The following PPARGC1A variants were observed in gnomAD, a reference collection of about 807,000 sequenced individuals.
PPARGC1A encodes the protein peroxisome proliferator-activated receptor gamma coactivator 1-alpha.
In PPARGC1A, 25 loss-of-function variants were observed where a neutral mutation model predicts 88.7. The ratio of observed to expected loss-of-function variants is 0.28; its 90% CI spans 0.21 to 0.39. PPARGC1A has a LOEUF of 0.39. PPARGC1A is among the 10% of genes least tolerant of loss of function. PPARGC1A has a pLI of 1.00. For synonymous variants in PPARGC1A, 363 were observed against 355.6 expected (o/e 1.02, Z -0.24); for missense variants, 880 against 968.7 (o/e 0.91, Z 1.22).
At chr4:23,801,412 T>C (rs1363715953) in intron 12 of PPARGC1A, among the ~76,000 whole-genome samples, 1 of 151,354 alleles carries the variant, frequency 6.6e-6, no homozygotes, top group African/African-American at 2.4e-5. Context: ...TCACAAAATA[T>C]AAAGCTGCAT....
rs375459261 is a variant in PPARGC1A at position 23,812,907 on chromosome 4, T to C, written c.1899-40A>G. The C allele has an allele frequency of 2.7e-5, 44 of 1,613,654 alleles. No individual in the cohort carries two copies. In the African/African-American group the frequency reaches 5.6e-4, roughly 21 times the overall value. On this transcript the variant is annotated intron_variant, in intron 9 of 12. Transcript: ENST00000264867. ...TTTATCACTAAGTCAACCACCTCAA[T>C]TTTCATGAGCAAAATGAATAATAAT... is the stretch of plus-strand genomic sequence containing the variant.
the PPARGC1A span, among the ~76,000 whole-genome samples, chr4:24,168,666 C>T: frequency 6.7e-6 from 1 of 150,272 alleles, no homozygotes; most frequent in African/African-American, 2.5e-5. Flanking sequence ...CACACACACA[C>T]AATGATAAGA....
the PPARGC1A span, among the ~76,000 whole-genome samples, chr4:24,272,822 C>T: frequency 6.6e-6 from 1 of 152,186 alleles, no homozygotes; most frequent in Admixed American, 6.5e-5. Context: ...AGCAAAGACT[C>T]TTCATTAAAA....
At chr4:24,095,422 C>G in the PPARGC1A span, among the ~76,000 whole-genome samples, 1,308 of 152,116 alleles carry the variant, frequency 8.6e-3, 8 homozygotes, top group Non-Finnish European at 0.015. Context: ...CCACACCCGG[C>G]CAGAGATAGA....
chr4:24,120,640 A>AAGGTT, the PPARGC1A span, among the ~76,000 whole-genome samples: 1 of 152,144 alleles, frequency 6.6e-6, no homozygotes, highest in Non-Finnish European at 1.5e-5. Context: ...CCTAACCACC[A>AAGGTT]AGGTGATGGT....
chr4:24,376,314 G>T, the PPARGC1A span, among the ~76,000 whole-genome samples: 1 of 152,096 alleles, frequency 6.6e-6, no homozygotes, highest in Non-Finnish European at 1.5e-5. Flanking sequence ...ATGATACTTC[G>T]GCAATTCAGC....
the PPARGC1A span, among the ~76,000 whole-genome samples, chr4:23,932,688 A>T: frequency 6.6e-6 from 1 of 152,174 alleles, no homozygotes; most frequent in Admixed American, 6.5e-5. Flanking sequence ...TTTAGTAGAA[A>T]GACATCTTAT....
the PPARGC1A span, among the ~76,000 whole-genome samples, chr4:24,167,260 C>T: frequency 5.9e-5 from 9 of 152,150 alleles, no homozygotes; most frequent in Non-Finnish European, 1.3e-4. Flanking sequence ...GAAGTGGAAC[C>T]TGAAGATATG....
At chr4:24,124,908 C>A in the PPARGC1A span, among the ~76,000 whole-genome samples, 1 of 152,096 alleles carries the variant, frequency 6.6e-6, no homozygotes, top group African/African-American at 2.4e-5. Flanking sequence ...ATGGAAAACA[C>A]AAGAGAGCAC....
the PPARGC1A span, among the ~76,000 whole-genome samples, chr4:24,222,788 T>A: frequency 6.6e-6 from 1 of 152,208 alleles, no homozygotes; most frequent in Non-Finnish European, 1.5e-5. Context: ...AACTCTTGTC[T>A]TTGTCATTTA....
chr4:24,113,013 G>A, the PPARGC1A span, among the ~76,000 whole-genome samples: 1 of 152,206 alleles, frequency 6.6e-6, no homozygotes, highest in African/African-American at 2.4e-5. Flanking sequence ...ATGTTAGATA[G>A]ATATAAAATG....
chr4:24,375,437 C>A, the PPARGC1A span, among the ~76,000 whole-genome samples: 1 of 152,148 alleles, frequency 6.6e-6, no homozygotes, highest in African/African-American at 2.4e-5. Context: ...CAGTCAGCTT[C>A]TTTAAGAGTC....
intron 1 of PPARGC1A, 85 bp downstream of exon 1, chr4:23,889,819 C>T (rs1300494833): frequency 6.5e-7 from 1 of 1,533,280 alleles, no homozygotes. Context: ...CTCTCTTTGC[C>T]CAAGCCCATC....
chr4:24,038,913 C>T, the PPARGC1A span, among the ~76,000 whole-genome samples: 351 of 152,296 alleles, frequency 2.3e-3, no homozygotes, highest in African/African-American at 8.0e-3. Flanking sequence ...CCCCACAGAA[C>T]ACTGGCAGCT....
the PPARGC1A span, among the ~76,000 whole-genome samples, chr4:23,937,520 A>C: frequency 6.6e-6 from 1 of 152,000 alleles, no homozygotes; most frequent in East Asian, 1.9e-4. Flanking sequence ...AAGTAAAATA[A>C]AATAAAAAAT....
At chr4:24,272,149 A>T in the PPARGC1A span, among the ~76,000 whole-genome samples, 2 of 152,048 alleles carry the variant, frequency 1.3e-5, no homozygotes, top group Non-Finnish European at 2.9e-5. Flanking sequence ...GGATGATGCT[A>T]TGTTCTTCCT....
intron 2 of PPARGC1A, among the ~76,000 whole-genome samples, chr4:23,882,405 A>C (rs752581353): frequency 2.0e-5 from 3 of 152,158 alleles, no homozygotes; most frequent in Non-Finnish European, 4.4e-5. Flanking sequence ...GGGTTTTTCA[A>C]CCTCAGTGCT....
chr4:24,141,643 G>A, the PPARGC1A span, among the ~76,000 whole-genome samples: 65 of 152,268 alleles, frequency 4.3e-4, no homozygotes, highest in East Asian at 0.012. Flanking sequence ...CTGTCATCTC[G>A]AAATGACCAT....
the PPARGC1A span, among the ~76,000 whole-genome samples, chr4:24,339,231 T>TACACACAC: frequency 9.9e-4 from 120 of 121,362 alleles, 1 homozygote; most frequent in African/African-American, 3.6e-3. Flanking sequence ...TATATATATA[T>TACACACAC]ATATATACAC....
Sources: gnomAD v4.1 joint callset for allele counts (sites outside exome capture counted in the v4.1 genomes callset) on GRCh38, gnomAD v4.1.1 for gene constraint, MANE v1.5 for transcripts, NCBI Gene and HGNC (gene_info 2026-07-23, HGNC 2026-07-21) for gene names.